GABPA: variants seen among roughly 807,000 people sequenced by gnomAD.
GABPA encodes GA binding protein transcription factor subunit alpha, also known as GA-binding protein alpha chain.
GABPA carries 4 observed loss-of-function variants against 59.4 expected under a neutral mutation model. The observed-to-expected ratio is 0.07, with a 90% CI of 0.03 to 0.15. The LOEUF (loss-of-function observed/expected upper bound fraction) is 0.15, where lower values mean the gene tolerates loss of function less well. Ranked by LOEUF, GABPA falls within the 10% of genes least tolerant of loss-of-function variation. The probability of loss-of-function intolerance (pLI) is 1.00; values close to 1 mark genes in which losing one functional copy is unlikely to be tolerated. For missense variants in GABPA, 251 were observed against 543.8 expected (o/e 0.46, Z 5.36); for synonymous variants, 164 against 183.1 (o/e 0.90, Z 0.84).
At chr21:25,765,953 G>A (rs912665179) in intron 9 of GABPA, among the ~76,000 whole-genome samples, 2 of 151,874 alleles carry the variant, frequency 1.3e-5, no homozygotes, top group African/African-American at 2.4e-5. Context: ...ATTTACATGG[G>A]ACTATAAAGT....
chr21:25,744,951 TACAC>T (rs751862299), intron 2 of GABPA, among the ~76,000 whole-genome samples: 3 of 152,192 alleles, frequency 2.0e-5, no homozygotes, highest in Non-Finnish European at 4.4e-5. Context: ...TGTGTACACA[TACAC>T]ACATATGTAT....
intron 1 of GABPA, 39 bp from the exon 2 acceptor site, chr21:25,741,534 T>G: frequency 8.9e-7 from 1 of 1,125,846 alleles, no homozygotes; most frequent in Non-Finnish European, 1.3e-6. Flanking sequence ...TTCGTTTATG[T>G]GGATAGTTTT....
chr21:25,752,303 G>A lies in GABPA; in HGVS notation c.553+69G>A, dbSNP rs2035532699. 3.5e-6 allele frequency: 5 copies of A among 1,449,246 alleles called. No individual in the cohort carries two copies. The Admixed American group carries it at 5.7e-5, about 16-fold the overall frequency. The allele number at this position is 1,449,246 out of a possible 1,614,324, so 89.8% of individuals were successfully genotyped here. A position where few individuals can be genotyped will look rare whatever the true frequency, so the allele number is the denominator to read the frequency against. On this transcript the variant is annotated intron_variant, in intron 5 of 9. Coordinates refer to ENST00000400075, the MANE Select transcript of GABPA (RefSeq NM_002040.4). The stretch of plus-strand genomic sequence containing the variant: ...TAAGCTTGACATAGAAGACACTAGG[G>A]TAAGTTATAATCTATTTTACATGTA...
At chr21:25,755,218 G>A (rs997053043) in intron 5 of GABPA, among the ~76,000 whole-genome samples, 2 of 152,052 alleles carry the variant, frequency 1.3e-5, no homozygotes, top group Non-Finnish European at 2.9e-5. Context: ...GGAGGCTGAG[G>A]TGAGAGGGTT....
At chr21:25,739,617 TTTTA>T (rs1170329215) in intron 1 of GABPA, among the ~76,000 whole-genome samples, 2 of 152,146 alleles carry the variant, frequency 1.3e-5, no homozygotes, top group African/African-American at 4.8e-5. Context: ...GACCTTCTAC[TTTTA>T]TTTATTTGTT....
intron 9 of GABPA, among the ~76,000 whole-genome samples, chr21:25,767,734 T>C (rs2035926343): frequency 6.6e-6 from 1 of 152,134 alleles, no homozygotes; most frequent in Non-Finnish European, 1.5e-5. Flanking sequence ...GTTTATGAGC[T>C]GAAATCCAAA....
chr21:25,754,987 G>A (rs762105796), intron 5 of GABPA, among the ~76,000 whole-genome samples: 5 of 152,044 alleles, frequency 3.3e-5, no homozygotes, highest in African/African-American at 7.2e-5. Flanking sequence ...GGAGGCGGAC[G>A]TTGCAGTGAG....
At chr21:25,757,117 T>G (rs2035655820) in intron 5 of GABPA, among the ~76,000 whole-genome samples, 1 of 152,146 alleles carries the variant, frequency 6.6e-6, no homozygotes, top group African/African-American at 2.4e-5. Flanking sequence ...TTTTTCTACT[T>G]TTCTTATTGA....
rs924816781 is a variant in GABPA, at chr21:25,735,094, C to G, written c.-511C>G. On this transcript the variant is annotated 5_prime_UTR_variant, in exon 1 of 10. Coordinates refer to ENST00000400075, the MANE Select transcript of GABPA (RefSeq NM_002040.4). ...GGGTAAGTGCTTCCGGGTCCCCTGG[C>G]ACAGCCTCCGCCATCTTTTCTTCGC... The G allele has an allele frequency of 1.4e-5, 12 of 837,474 alleles. No homozygotes were observed. Among genetic ancestry groups the G allele is most frequent in the Non-Finnish European group, 2.4e-5 (12 of 510,306 alleles). The allele number at this position is 837,474 out of a possible 1,614,324, so 51.9% of individuals were successfully genotyped here.
chr21:25,735,978 C>G (rs1406143705), intron 1 of GABPA, among the ~76,000 whole-genome samples: 1 of 152,100 alleles, frequency 6.6e-6, no homozygotes, highest in Non-Finnish European at 1.5e-5. Context: ...AAATGCAGAC[C>G]CTGTCTCATC....
chr21:25,737,378 C>T (rs1489571217), intron 1 of GABPA, among the ~76,000 whole-genome samples: 2 of 152,198 alleles, frequency 1.3e-5, no homozygotes, highest in Admixed American at 6.5e-5. Context: ...CTCTGTTTTG[C>T]TTCTCTGGAC....
Position 25,735,015 on chromosome 21 carries a change from C to G in GABPA, c.-590C>G, listed in dbSNP as rs1316548346. On this transcript the variant is annotated 5_prime_UTR_variant, in exon 1 of 10. Coordinates refer to ENST00000400075, the MANE Select transcript of GABPA (RefSeq NM_002040.4). ...GGACAGGAAGCGTCTCGGAGACAGT[C>G]TGCGACCGGACGGGTCTAGGTGAGA... 1.8e-5 allele frequency: 27 copies of G among 1,531,308 alleles called. No individual in the cohort carries two copies. Among genetic ancestry groups the G allele is most frequent in the Non-Finnish European group, 2.3e-5 (26 of 1,134,364 alleles). 94.9% of individuals were successfully genotyped at this position (1,531,308 alleles called of 1,614,324 possible). A position where few individuals can be genotyped will look rare whatever the true frequency, so the allele number is the denominator to read the frequency against.
chr21:25,742,724 G>A (rs1435168412), intron 2 of GABPA, among the ~76,000 whole-genome samples: 2 of 149,524 alleles, frequency 1.3e-5, no homozygotes, highest in African/African-American at 2.5e-5. Flanking sequence ...GACCAGCCTG[G>A]GCAGCATGGC....
chr21:25,748,971 C>G (rs976505246), intron 3 of GABPA, 65 bp from the exon 4 acceptor site: 71 of 985,444 alleles, frequency 7.2e-5, no homozygotes, highest in Non-Finnish European at 1.0e-4. Flanking sequence ...TATTCTAAAC[C>G]AAAGGCAAGG....
At chr21:25,765,615 C>A (rs2035873072) in intron 9 of GABPA, among the ~76,000 whole-genome samples, 2 of 151,872 alleles carry the variant, frequency 1.3e-5, no homozygotes. Flanking sequence ...GATTATTTTT[C>A]TTTTCCTGAA....
chr21:25,763,735 G>A (rs1272820578), intron 7 of GABPA, among the ~76,000 whole-genome samples: 2 of 152,058 alleles, frequency 1.3e-5, no homozygotes, highest in African/African-American at 4.8e-5. Context: ...TTTAAATGCT[G>A]TGAAAACATC....
At chr21:25,745,382 T>C (rs1435713490) in intron 3 of GABPA, 28 bp downstream of exon 3, 1 of 1,605,594 alleles carries the variant, frequency 6.2e-7, no homozygotes, top group Admixed American at 1.7e-5. Context: ...AAATTTCTAT[T>C]GCAACATTTT....
chr21:25,758,195 C>G lies in GABPA; in HGVS notation c.739C>G (p.Leu247Val). Reference protein sequence around the residue: ...GEILWSHLELLRKYVLASQEQ... With the variant: ...GEILWSHLELVRKYVLASQEQ... ...AATTCTCTGGAGTCATCTGGAACTT[C>G]TCCGAAAATGTATGAAATTACAGTT... The change falls in exon 6 of 10, where the codon CTC (leucine) becomes GTC (valine). Residue 247 changes from leucine to valine, a missense_variant. Transcript: ENST00000400075. 1.9e-6 allele frequency: 3 copies of G among 1,582,160 alleles called. No individual in the cohort carries two copies. Among genetic ancestry groups the G allele is most frequent in the Non-Finnish European group, 2.6e-6 (3 of 1,165,620 alleles).
At chr21:25,749,346 G>A (rs1878297613) in intron 4 of GABPA, among the ~76,000 whole-genome samples, 1 of 152,178 alleles carries the variant, frequency 6.6e-6, no homozygotes, top group Admixed American at 6.5e-5. Context: ...GTAGTAAATA[G>A]CAGAATCAGA....
Sources: gnomAD v4.1 joint callset for allele counts (sites outside exome capture counted in the v4.1 genomes callset) on GRCh38, gnomAD v4.1.1 for gene constraint, MANE v1.5 for transcripts, NCBI Gene and HGNC (gene_info 2026-07-23, HGNC 2026-07-21) for gene names.